Variants in NELL2 observed in about 807,000 individuals in gnomAD.
NELL2 encodes neural EGFL like 2.
In NELL2, 41 loss-of-function variants were observed where a neutral mutation model predicts 109.6. That is an observed-to-expected ratio of 0.37 (90% CI 0.29 to 0.49). NELL2 has a LOEUF of 0.49. Ranked by LOEUF, NELL2 falls within the 20% of genes least tolerant of loss-of-function variation. NELL2 has a pLI of 0.98. For missense variants in NELL2, 900 were observed against 1,008.3 expected, an observed-to-expected ratio of 0.89 and a Z score of 1.45; for synonymous variants, 355 against 344.7, an observed-to-expected ratio of 1.03 and a Z score of -0.33.
chr12:44,685,175 G>A (rs975403671), intron 12 of NELL2, among the ~76,000 whole-genome samples: 3 of 151,578 alleles, frequency 2.0e-5, no homozygotes, highest in African/African-American at 7.3e-5. Flanking sequence ...TTAAGTAATG[G>A]CCTTGTCTCT....
chr12:44,688,475 A>T (rs2136390207), intron 12 of NELL2, among the ~76,000 whole-genome samples: 1 of 152,322 alleles, frequency 6.6e-6, no homozygotes, highest in East Asian at 1.9e-4. Context: ...CACATTTTTA[A>T]TCGTACTTAA....
At chr12:44,912,165 T>C (rs1005251061) in intron 1 of NELL2, among the ~76,000 whole-genome samples, 1 of 151,950 alleles carries the variant, frequency 6.6e-6, no homozygotes. Context: ...ATTTAGTTAC[T>C]TGTGAAGAAA....
chr12:44,674,138 A>C (rs1188877995), intron 12 of NELL2, among the ~76,000 whole-genome samples: 1 of 152,168 alleles, frequency 6.6e-6, no homozygotes, highest in African/African-American at 2.4e-5. Flanking sequence ...TTTAAAACAC[A>C]GTGCTTATTT....
chr12:44,726,896 T>C (rs911177837), intron 9 of NELL2, among the ~76,000 whole-genome samples: 1 of 151,058 alleles, frequency 6.6e-6, no homozygotes, highest in Non-Finnish European at 1.5e-5. Flanking sequence ...ACAACTTACA[T>C]GAACAGGGTT....
intron 1 of NELL2, among the ~76,000 whole-genome samples, chr12:44,893,705 G>A (rs911161461): frequency 6.6e-6 from 1 of 152,216 alleles, no homozygotes; most frequent in African/African-American, 2.4e-5. Flanking sequence ...CAAGCATGAC[G>A]GATGGGGTGC....
chr12:44,779,507 G>A (rs1009474345), intron 5 of NELL2, among the ~76,000 whole-genome samples, 156 bp downstream of exon 5: 6 of 151,964 alleles, frequency 3.9e-5, no homozygotes, highest in Non-Finnish European at 7.4e-5. Context: ...AATGTTTGCT[G>A]GCTAAAATAT....
intron 15 of NELL2, among the ~76,000 whole-genome samples, chr12:44,590,596 TC>T (rs773472398): frequency 5.6e-4 from 85 of 152,318 alleles, no homozygotes; most frequent in Non-Finnish European, 2.2e-4. Flanking sequence ...CTGGATTGGT[TC>T]CCACGAAGCA....
intron 1 of NELL2, among the ~76,000 whole-genome samples, chr12:44,895,855 T>G (rs1223551130): frequency 6.6e-6 from 1 of 152,128 alleles, no homozygotes; most frequent in Non-Finnish European, 1.5e-5. Flanking sequence ...AAAGATGGAG[T>G]GCATAACTGG....
chr12:44,755,194 G>T (rs1421785140), intron 9 of NELL2, among the ~76,000 whole-genome samples: 1 of 151,376 alleles, frequency 6.6e-6, no homozygotes, highest in Non-Finnish European at 1.5e-5. Flanking sequence ...ATGCCCCATG[G>T]ACTTCCCAAA....
chr12:44,723,530 T>A (rs1414241445), intron 9 of NELL2, among the ~76,000 whole-genome samples: 1 of 152,222 alleles, frequency 6.6e-6, no homozygotes, highest in African/African-American at 2.4e-5. Flanking sequence ...CATGTTTTGA[T>A]GTTGAACATT....
intron 15 of NELL2, among the ~76,000 whole-genome samples, chr12:44,536,057 A>G (rs1284214966): frequency 2.6e-5 from 4 of 151,920 alleles, no homozygotes; most frequent in Admixed American, 1.3e-4. Context: ...TTGTTTATGC[A>G]AATTTTTCTA....
chr12:44,657,558 C>T (rs373299045), intron 13 of NELL2, among the ~76,000 whole-genome samples: 1 of 152,074 alleles, frequency 6.6e-6, no homozygotes, highest in South Asian at 2.1e-4. Context: ...TATACACGTG[C>T]CATGGTGGTT....
At chr12:44,522,382 C>A (rs771420807) in intron 17 of NELL2, among the ~76,000 whole-genome samples, 14 of 152,058 alleles carry the variant, frequency 9.2e-5, no homozygotes, top group Non-Finnish European at 1.8e-4. Context: ...AATTTCCTTT[C>A]CACATACTAC....
chr12:44,635,445 G>A (rs1305198814), intron 13 of NELL2, among the ~76,000 whole-genome samples: 3 of 151,976 alleles, frequency 2.0e-5, no homozygotes, highest in African/African-American at 7.2e-5. Flanking sequence ...AATGCATCTT[G>A]AGTAACTCTT....
chr12:44,579,278 A>C (rs547148680), intron 15 of NELL2, among the ~76,000 whole-genome samples: 12 of 152,230 alleles, frequency 7.9e-5, no homozygotes, highest in South Asian at 2.1e-4. Flanking sequence ...CAGAAGTAAC[A>C]TACTCTTGCA....
intron 2 of NELL2, among the ~76,000 whole-genome samples, chr12:44,826,275 T>C (rs933324236): frequency 9.2e-5 from 14 of 152,328 alleles, no homozygotes; most frequent in African/African-American, 2.9e-4. Context: ...AATTCTATTA[T>C]AAAAACTGTC....
rs558399269 is a variant in NELL2 at position 44,889,323 on chromosome 12, C to T, written c.39-13423G>A. ...GGTTAGAAAAATATATACAGCATTC[C>T]GGGCACAGGACTGACTTACTGGCTT... On this transcript the variant is annotated intron_variant, in intron 1 of 20. Transcript: ENST00000333837. Among the ~76,000 whole-genome samples, 6 of 152,028 alleles carry T rather than the reference C, an allele frequency of 3.9e-5. 1 individual carries two copies. The highest frequency in any genetic ancestry group is 1.5e-4 in the African/African-American group (6 of 41,354).
chr12:44,805,073 T>C (rs1942954514), intron 3 of NELL2, among the ~76,000 whole-genome samples: 1 of 151,748 alleles, frequency 6.6e-6, no homozygotes, highest in South Asian at 2.1e-4. Context: ...TAACAAAATA[T>C]GTATATACAC....
intron 3 of NELL2, among the ~76,000 whole-genome samples, chr12:44,805,822 A>G (rs541353815): frequency 1.3e-5 from 2 of 151,964 alleles, no homozygotes; most frequent in South Asian, 4.1e-4. Flanking sequence ...CCCTCACTAG[A>G]GTAACACAAA....
Sources: allele counts gnomAD v4.1 joint callset (sites outside exome capture counted in the v4.1 genomes callset), GRCh38; gene constraint gnomAD v4.1.1; transcripts MANE v1.5; gene names NCBI Gene and HGNC (gene_info 2026-07-23, HGNC 2026-07-21).